Variants in EPB41L3 observed in about 807,000 individuals in gnomAD.
EPB41L3 encodes erythrocyte membrane protein band 4.1 like 3, also known as band 4.1-like protein 3.
Under a neutral mutation model 127.1 loss-of-function variants are expected in EPB41L3, and 57 were observed. That is an observed-to-expected ratio of 0.45 (90% CI 0.36 to 0.56). The LOEUF (loss-of-function observed/expected upper bound fraction) is 0.56, where lower values mean the gene tolerates loss of function less well. Among genes scored for constraint, EPB41L3 ranks in the 20% least tolerant of loss-of-function variants. The probability of loss-of-function intolerance (pLI) is 0.00; values close to 1 mark genes in which losing one functional copy is unlikely to be tolerated. For missense variants in EPB41L3, 1,273 were observed against 1,372.2 expected, an observed-to-expected ratio of 0.93 and a Z score of 1.14; for synonymous variants, 572 against 549.5, an observed-to-expected ratio of 1.04 and a Z score of -0.57.
At chr18:5,530,132 A>G (rs892197301) in intron 1 of EPB41L3, among the ~76,000 whole-genome samples, 3 of 152,168 alleles carry the variant, frequency 2.0e-5, no homozygotes, top group African/African-American at 7.2e-5. Context: ...TTCCCTGGAT[A>G]GTAACATTAG....
At chr18:5,613,940 A>T (rs372293587) in intron 2 of EPB41L3, among the ~76,000 whole-genome samples, 142 of 152,378 alleles carry the variant, frequency 9.3e-4, no homozygotes, top group African/African-American at 3.3e-3. Flanking sequence ...TGAGGCAGTA[A>T]ATATCAATAG....
intron 3 of EPB41L3, among the ~76,000 whole-genome samples, chr18:5,469,109 G>C (rs924206890): frequency 2.6e-5 from 4 of 152,152 alleles, no homozygotes; most frequent in African/African-American, 9.7e-5. Flanking sequence ...CTCAGGAACT[G>C]CTGAAAAGCA....
intron 3 of EPB41L3, among the ~76,000 whole-genome samples, chr18:5,473,844 A>T (rs1215419263): frequency 1.3e-5 from 2 of 152,196 alleles, no homozygotes; most frequent in Non-Finnish European, 2.9e-5. Flanking sequence ...GGCAGAGTGT[A>T]AATATTTCTC....
intron 1 of EPB41L3, among the ~76,000 whole-genome samples, chr18:5,512,609 C>G (rs1276895824): frequency 6.6e-6 from 1 of 152,100 alleles, no homozygotes. Context: ...GGGAACAGAC[C>G]TGAGGTCAAA....
In EPB41L3 at chr18:5,459,228, T is replaced by C. The variant is rs576981842; in HGVS notation, c.382-13984A>G. 3.9e-4 allele frequency among the ~76,000 whole-genome samples: 60 copies of C among 152,218 alleles called. 2 individuals carry two copies. In the South Asian group the frequency reaches 0.011, roughly 27 times the overall value. The stretch of plus-strand genomic sequence containing the variant: ...AAAGAGGATTGCCTGGTCCCAGGAA[T>C]TGGAGTACAGCCTGGGCAACAAAGT... On this transcript the variant is annotated intron_variant, in intron 3 of 22. Coordinates refer to ENST00000341928, the MANE Select transcript of EPB41L3 (RefSeq NM_012307.5).
In EPB41L3 at chr18:5,419,702, G is replaced by A; in HGVS notation, c.1506+9C>T. 1 of 1,613,644 alleles carries A rather than the reference G, an allele frequency of 6.2e-7. No homozygotes were observed. Among genetic ancestry groups the A allele is most frequent in the Non-Finnish European group, 8.5e-7 (1 of 1,179,974 alleles). ...GAGCAAGCTCTTGCAGGCAGTCTGG[G>A]AGCTATACCTTTCCCTCGTGCCGGA... On this transcript the variant is annotated intron_variant, in intron 12 of 22. Coordinates refer to ENST00000341928, the MANE Select transcript of EPB41L3 (RefSeq NM_012307.5).
Position 5,608,780 on chromosome 18 carries a change from C to A in EPB41L3, c.-306+3560G>T, listed in dbSNP as rs188157013. ...AAAGTGCACACAGAAGAAAACACAC[C>A]ATGTGAATCCCAAAGGGAGATTTTT... is the stretch of plus-strand genomic sequence containing the variant. On this transcript the variant is annotated intron_variant, in intron 3 of 21. Coordinates refer to the EPB41L3 transcript ENST00000545076. Among the ~76,000 whole-genome samples, 18 of 152,196 alleles carry A rather than the reference C, an allele frequency of 1.2e-4. No homozygotes were observed. In the East Asian group the frequency reaches 3.5e-3, roughly 29 times the overall value.
chr18:5,540,850 C>T (rs1242585388), intron 1 of EPB41L3, among the ~76,000 whole-genome samples: 5 of 151,818 alleles, frequency 3.3e-5, no homozygotes, highest in African/African-American at 9.7e-5. Context: ...TTTGGGAGGC[C>T]GAGACGGGTG....
chr18:5,491,339 A>T (rs931855460), intron 1 of EPB41L3, among the ~76,000 whole-genome samples: 1 of 152,198 alleles, frequency 6.6e-6, no homozygotes, highest in Non-Finnish European at 1.5e-5. Flanking sequence ...AGAAATCAAC[A>T]ACTTTAGCTT....
intron 3 of EPB41L3, among the ~76,000 whole-genome samples, chr18:5,458,136 T>C (rs913049221): frequency 3.9e-5 from 6 of 152,220 alleles, no homozygotes; most frequent in Admixed American, 3.9e-4. Flanking sequence ...AATTTGTTCA[T>C]GACCAATTTG....
At chr18:5,523,011 T>C (rs1319213315) in intron 1 of EPB41L3, among the ~76,000 whole-genome samples, 1 of 152,184 alleles carries the variant, frequency 6.6e-6, no homozygotes, top group Non-Finnish European at 1.5e-5. Context: ...ATAAAAAATA[T>C]TTTAGCAATG....
At chr18:5,596,870 A>T (rs1002434371) in intron 3 of EPB41L3, among the ~76,000 whole-genome samples, 1 of 152,142 alleles carries the variant, frequency 6.6e-6, no homozygotes. Context: ...AATATATTTT[A>T]AAAATTATTT....
At chr18:5,558,765 T>G (rs1020809196) in intron 3 of EPB41L3, among the ~76,000 whole-genome samples, 1 of 152,238 alleles carries the variant, frequency 6.6e-6, no homozygotes, top group Non-Finnish European at 1.5e-5. Context: ...GCCTAACACA[T>G]AGTAGGCACA....
chr18:5,481,039 C>T (rs1599553824), intron 2 of EPB41L3: 2 of 152,096 alleles, frequency 1.3e-5, no homozygotes, highest in East Asian at 3.8e-4. Context: ...TAAAAGAAAA[C>T]CATGATGGCT....
At position 5,406,968 on chromosome 18, in the gene EPB41L3, C is replaced by T; in HGVS notation, c.2158G>A (p.Glu720Lys). Reference protein sequence around the residue: ...QEEDAELKAQELEKTQDDLMK... With the variant: ...QEEDAELKAQKLEKTQDDLMK... ...AGGTCATCTTGAGTTTTTTCTAGCT[C>T]CTATATTCAGAACATAAAGTATCCA... The change falls in exon 16 of 23, where the codon GAG (glutamate) becomes AAG (lysine). Residue 720 changes from glutamate (E) to lysine (K), a missense_variant and splice_region_variant. Coordinates refer to ENST00000341928, the MANE Select transcript of EPB41L3 (RefSeq NM_012307.5). 1 of 1,613,672 alleles carries T rather than the reference C, an allele frequency of 6.2e-7. No individual in the cohort carries two copies. The highest frequency in any genetic ancestry group is 8.5e-7 in the Non-Finnish European group (1 of 1,179,580).
At chr18:5,398,863 C>G (rs1230706303) in intron 16 of EPB41L3, 2 of 399,230 alleles carry the variant, frequency 5.0e-6, no homozygotes, top group African/African-American at 2.1e-5. Flanking sequence ...AGCTGTGGAG[C>G]CTTCTTGAGG....
intron 1 of EPB41L3, among the ~76,000 whole-genome samples, chr18:5,541,869 A>G (rs2093739839): frequency 6.6e-6 from 1 of 152,250 alleles, no homozygotes; most frequent in African/African-American, 2.4e-5. Context: ...TTATGGATGA[A>G]TTATTCACAA....
chr18:5,498,755 G>T (rs2091452048), intron 1 of EPB41L3, among the ~76,000 whole-genome samples: 1 of 152,132 alleles, frequency 6.6e-6, no homozygotes, highest in South Asian at 2.1e-4. Flanking sequence ...AAAGTATTCA[G>T]CCCTTATGTT....
intron 13 of EPB41L3, among the ~76,000 whole-genome samples, chr18:5,412,154 C>T (rs1368704953): frequency 6.6e-6 from 1 of 152,126 alleles, no homozygotes; most frequent in African/African-American, 2.4e-5. Flanking sequence ...TACAGAATAA[C>T]TCAAAGATCT....
Sources: allele counts gnomAD v4.1 joint callset (sites outside exome capture counted in the v4.1 genomes callset), GRCh38; gene constraint gnomAD v4.1.1; transcripts MANE v1.5; gene names NCBI Gene and HGNC (gene_info 2026-07-23, HGNC 2026-07-21).